PARD3: variants seen among roughly 807,000 people sequenced by gnomAD.
PARD3 encodes the protein partitioning defective 3 homolog.
PARD3 carries 75 observed loss-of-function variants against 155.4 expected under a neutral mutation model. The observed-to-expected ratio is 0.48, with a 90% CI of 0.40 to 0.58. The LOEUF (loss-of-function observed/expected upper bound fraction) is 0.58. Ranked by LOEUF, PARD3 falls within the 20% of genes least tolerant of loss-of-function variation. The probability of loss-of-function intolerance (pLI) is 0.00; values close to 1 mark genes in which losing one functional copy is unlikely to be tolerated. For missense variants in PARD3, 1,642 were observed against 1,721.7 expected (o/e 0.95, Z 0.82); for synonymous variants, 576 against 610.5 (o/e 0.94, Z 0.83).
chr10:34,217,104 C>G (rs1274464), intron 22 of PARD3, among the ~76,000 whole-genome samples: 99,497 of 151,858 alleles, frequency 0.66, 33,673 homozygotes, highest in African/African-American at 0.77. Context: ...GATAGGAAAT[C>G]GTGGGTTGGT....
At chr10:34,409,178 C>G (rs996244788) in intron 5 of PARD3, among the ~76,000 whole-genome samples, 3 of 152,110 alleles carry the variant, frequency 2.0e-5, no homozygotes, top group South Asian at 2.1e-4. Context: ...GATACATATA[C>G]AACATGACTC....
intron 5 of PARD3, among the ~76,000 whole-genome samples, chr10:34,436,498 T>C (rs2076194639): frequency 6.6e-6 from 1 of 152,086 alleles, no homozygotes; most frequent in Non-Finnish European, 1.5e-5. Context: ...GCTAGTGGAG[T>C]GCAACATGGT....
At chr10:34,400,935 A>G (rs1003893161) in intron 6 of PARD3, among the ~76,000 whole-genome samples, 1 of 152,136 alleles carries the variant, frequency 6.6e-6, no homozygotes, top group Non-Finnish European at 1.5e-5. Context: ...AACTTCAATA[A>G]ACTGATTTTA....
At chr10:34,474,893 G>A (rs1398771508) in intron 3 of PARD3, among the ~76,000 whole-genome samples, 1 of 152,126 alleles carries the variant, frequency 6.6e-6, no homozygotes, top group Non-Finnish European at 1.5e-5. Flanking sequence ...TTGGGAAGAG[G>A]AAGAAACGTT....
chr10:34,322,809 T>C (rs899629495), intron 19 of PARD3, among the ~76,000 whole-genome samples: 1 of 152,210 alleles, frequency 6.6e-6, no homozygotes, highest in African/African-American at 2.4e-5. Flanking sequence ...AACTGCCCTT[T>C]GTTGCACCCA....
chr10:34,355,957 C>CGAAA lies in PARD3; in HGVS notation c.2067+3189_2067+3190insTTTC. Among the ~76,000 whole-genome samples, 2 of 92,384 alleles carry CGAAA rather than the reference C, an allele frequency of 2.2e-5. 1 individual carries two copies. The highest frequency in any genetic ancestry group is 6.5e-4 in the South Asian group (2 of 3,098). 60.6% of individuals were successfully genotyped at this position (92,384 alleles called of 152,430 possible). A position where few individuals can be genotyped will look rare whatever the true frequency, so the allele number is the denominator to read the frequency against. ...AAAAAAAAAAAAAAACAAAACAAAA[C>CGAAA]CAAACAAAAAAACAGACAACAGACC... On this transcript the variant is annotated intron_variant, in intron 14 of 24. Transcript: ENST00000374788.
chr10:34,113,744 G>A (rs998657548), intron 24 of PARD3, among the ~76,000 whole-genome samples: 1 of 152,184 alleles, frequency 6.6e-6, no homozygotes, highest in African/African-American at 2.4e-5. Context: ...TCCTGAGCCT[G>A]CCACTGGCTG....
At chr10:34,535,158 T>C (rs1042731819) in intron 2 of PARD3, among the ~76,000 whole-genome samples, 6 of 152,228 alleles carry the variant, frequency 3.9e-5, no homozygotes, top group Non-Finnish European at 7.3e-5. Flanking sequence ...GCTTTGAATA[T>C]TCCTACGTTT....
intron 5 of PARD3, among the ~76,000 whole-genome samples, chr10:34,407,706 G>A (rs746867897): frequency 2.0e-5 from 3 of 151,896 alleles, no homozygotes; most frequent in Non-Finnish European, 4.4e-5. Context: ...GGTGGCGTGC[G>A]CCTGTAGTCT....
chr10:34,308,684 T>TG (rs111396876), intron 20 of PARD3, among the ~76,000 whole-genome samples: 6,942 of 152,204 alleles, frequency 0.046, 500 homozygotes, highest in African/African-American at 0.16. Flanking sequence ...AGAAGATGGT[T>TG]AAACTACAAA....
Position 34,551,524 on chromosome 10 carries a change from G to A in PARD3, c.223-34365C>T, listed in dbSNP as rs188119612. On this transcript the variant is annotated intron_variant, in intron 2 of 24. Transcript: ENST00000374788. ...TTGATTCCAATTGCAACAGCCCTTG[G>A]GCTGGAGGTTTATGGAGAGGGCTGA... is the stretch of plus-strand genomic sequence containing the variant. 5.3e-5 allele frequency among the ~76,000 whole-genome samples: 8 copies of A among 152,306 alleles called. No individual in the cohort carries two copies. In the East Asian group the frequency reaches 1.4e-3, roughly 26 times the overall value.
chr10:34,597,805 G>T (rs192347390), intron 2 of PARD3, among the ~76,000 whole-genome samples: 17 of 152,286 alleles, frequency 1.1e-4, no homozygotes, highest in Admixed American at 7.2e-4. Context: ...AGTGAGCTGG[G>T]CTGGGGGCAT....
At chr10:34,544,220 A>G (rs571973196) in intron 2 of PARD3, among the ~76,000 whole-genome samples, 55 of 152,354 alleles carry the variant, frequency 3.6e-4, no homozygotes, top group South Asian at 6.2e-4. Context: ...CACTAGAAAC[A>G]TAAGTAGTGT....
chr10:34,204,752 T>C (rs757138064), intron 22 of PARD3, among the ~76,000 whole-genome samples: 31 of 152,236 alleles, frequency 2.0e-4, no homozygotes, highest in Non-Finnish European at 4.0e-4. Context: ...TCTTTCTTGA[T>C]GTAAACACAA....
chr10:34,162,407 T>C (rs938962997), intron 22 of PARD3, among the ~76,000 whole-genome samples: 1 of 152,212 alleles, frequency 6.6e-6, no homozygotes, highest in Non-Finnish European at 1.5e-5. Context: ...CACTCTTCGA[T>C]GTCCGCATGC....
At chr10:34,355,186 G>A (rs913014819) in intron 14 of PARD3, among the ~76,000 whole-genome samples, 1 of 152,168 alleles carries the variant, frequency 6.6e-6, no homozygotes, top group Admixed American at 6.5e-5. Flanking sequence ...AAAATTAGTT[G>A]GGTGTGGTGG....
At chr10:34,362,706 G>A (rs1479254430) in intron 12 of PARD3, among the ~76,000 whole-genome samples, 1 of 152,152 alleles carries the variant, frequency 6.6e-6, no homozygotes, top group Non-Finnish European at 1.5e-5. Flanking sequence ...TGTTGGCCAG[G>A]CTGGTTTCAG....
At chr10:34,746,241 AG>A (rs1835313768) in intron 1 of PARD3, among the ~76,000 whole-genome samples, 1 of 152,062 alleles carries the variant, frequency 6.6e-6, no homozygotes, top group African/African-American at 2.4e-5. Context: ...CCAGGAGTTC[AG>A]GAACAGCCTG....
chr10:34,772,590 G>A (rs960033975), intron 1 of PARD3, among the ~76,000 whole-genome samples: 8 of 151,728 alleles, frequency 5.3e-5, no homozygotes, highest in African/African-American at 9.7e-5. Context: ...TCAGGAGTTC[G>A]AGACCAGCCT....
Sources: gnomAD v4.1 joint callset for allele counts (sites outside exome capture counted in the v4.1 genomes callset) on GRCh38, gnomAD v4.1.1 for gene constraint, MANE v1.5 for transcripts, NCBI Gene and HGNC (gene_info 2026-07-23, HGNC 2026-07-21) for gene names.